DLGAP1: variants seen among roughly 807,000 people sequenced by gnomAD.
DLGAP1 encodes the protein disks large-associated protein 1.
DLGAP1 carries 11 observed loss-of-function variants against 90.8 expected under a neutral mutation model. The observed-to-expected ratio is 0.12, with a 90% CI of 0.08 to 0.20. The LOEUF (loss-of-function observed/expected upper bound fraction) is 0.20. Ranked by LOEUF, DLGAP1 falls within the 10% of genes least tolerant of loss-of-function variation. DLGAP1 has a pLI of 1.00. For missense variants in DLGAP1, 1,050 were observed against 1,333.8 expected, an observed-to-expected ratio of 0.79 and a Z score of 3.31; for synonymous variants, 558 against 540.7, an observed-to-expected ratio of 1.03 and a Z score of -0.44.
intron 6 of DLGAP1, among the ~76,000 whole-genome samples, chr18:3,734,269 A>G (rs918166045): frequency 6.6e-6 from 1 of 151,040 alleles, no homozygotes; most frequent in Non-Finnish European, 1.5e-5. Flanking sequence ...CTCTCTCTCT[A>G]AGAGATAGGG....
chr18:4,448,131 T>C (rs2083713281), intron 1 of DLGAP1, among the ~76,000 whole-genome samples: 1 of 152,144 alleles, frequency 6.6e-6, no homozygotes, highest in South Asian at 2.1e-4. Flanking sequence ...TACAAATCCA[T>C]GAAAATCTAG....
intron 7 of DLGAP1, among the ~76,000 whole-genome samples, chr18:3,675,842 T>C (rs2060279012): frequency 6.6e-6 from 1 of 152,228 alleles, no homozygotes; most frequent in Non-Finnish European, 1.5e-5. Flanking sequence ...TACTGCCACA[T>C]GACTTTTTTT....
chr18:3,753,960 C>G (rs1598601019), intron 5 of DLGAP1, among the ~76,000 whole-genome samples: 1 of 152,162 alleles, frequency 6.6e-6, no homozygotes, highest in Non-Finnish European at 1.5e-5. Context: ...ATGTAAATGG[C>G]ATAGTATTTG....
At position 3,691,398 on chromosome 18, in the gene DLGAP1, G is replaced by C. The variant is rs560146337; in HGVS notation, c.1591+37737C>G. Among the ~76,000 whole-genome samples the C allele has an allele frequency of 5.4e-5, 8 of 149,332 alleles. No homozygotes were observed. In the East Asian group the frequency reaches 1.6e-3, roughly 30 times the overall value. ...AGCTACATCGCGCCACTGCATTCCA[G>C]CCTGGGCGATAGAGCAAGACTCTGT... On this transcript the variant is annotated intron_variant, in intron 7 of 12. Transcript: ENST00000315677.
chr18:3,588,660 T>C (rs766606320), intron 7 of DLGAP1, among the ~76,000 whole-genome samples: 2 of 138,554 alleles, frequency 1.4e-5, no homozygotes, highest in South Asian at 4.6e-4. Context: ...TGTGCCTGTA[T>C]TCCCAGCTAC....
chr18:4,211,467 C>G (rs1235911196), intron 1 of DLGAP1, among the ~76,000 whole-genome samples: 1 of 152,112 alleles, frequency 6.6e-6, no homozygotes, highest in Non-Finnish European at 1.5e-5. Context: ...TAGTTTGAAT[C>G]TGGAAGGCAT....
In DLGAP1 at chr18:3,526,421, T is replaced by C. The variant is rs1679378212; in HGVS notation, c.2479+7773A>G. On this transcript the variant is annotated intron_variant, in intron 10 of 12. Coordinates refer to ENST00000315677, the MANE Select transcript of DLGAP1 (RefSeq NM_004746.4). The surrounding 1 kb of genome is among the most constrained non-coding windows in gnomAD (Gnocchi z 4.7). ...CAAACCTGAAACCAGGCAAACCCCA[T>C]TTCAGGTGTCATTACCAGCCCCGCA... Among the ~76,000 whole-genome samples the C allele has an allele frequency of 1.3e-5, 2 of 152,144 alleles. No homozygotes were observed. The highest frequency in any genetic ancestry group is 1.3e-4 in the Admixed American group (2 of 15,280).
intron 1 of DLGAP1, among the ~76,000 whole-genome samples, chr18:4,226,193 C>A (rs1048791903): frequency 6.6e-6 from 1 of 151,964 alleles, no homozygotes; most frequent in African/African-American, 2.4e-5. Flanking sequence ...ATAGGATATC[C>A]AGCAAAAATA....
chr18:3,863,071 A>G (rs1293418780), intron 4 of DLGAP1, among the ~76,000 whole-genome samples: 1 of 152,282 alleles, frequency 6.6e-6, no homozygotes, highest in Non-Finnish European at 1.5e-5. Context: ...GATGACGGAA[A>G]TGTTGATTGA....
At position 4,263,399 on chromosome 18, in the gene DLGAP1, T is replaced by C. The variant is rs1598751853; in HGVS notation, c.-266-112112A>G. On this transcript the variant is annotated intron_variant, in intron 1 of 12. Transcript: ENST00000315677. ...ATATGAGATTTAAAAAATTCTTCCA[T>C]TCATTTAAATGAATTCTTATTAAAA... is the stretch of plus-strand genomic sequence containing the variant. Among the ~76,000 whole-genome samples, 4 of 152,334 alleles carry C rather than the reference T, an allele frequency of 2.6e-5. No individual in the cohort carries two copies. The East Asian group carries it at 7.7e-4, about 29-fold the overall frequency.
intron 1 of DLGAP1, among the ~76,000 whole-genome samples, chr18:4,356,985 A>G (rs758909142): frequency 3.3e-5 from 5 of 151,852 alleles, no homozygotes; most frequent in Admixed American, 6.6e-5. Flanking sequence ...AGGTGCCCAC[A>G]TGACACCTTT....
chr18:3,572,059 T>C (rs1599306997), intron 8 of DLGAP1, among the ~76,000 whole-genome samples: 2 of 149,598 alleles, frequency 1.3e-5, no homozygotes, highest in African/African-American at 4.9e-5. Context: ...TTTTCAGTGG[T>C]TTCTTCTAGG....
chr18:4,302,240 T>C (rs1201589419), intron 1 of DLGAP1, among the ~76,000 whole-genome samples: 2 of 152,166 alleles, frequency 1.3e-5, no homozygotes, highest in East Asian at 1.9e-4. Flanking sequence ...GTGTAGTTTT[T>C]CCCCCGTATT....
At chr18:3,646,133 T>C (rs1356164087) in intron 7 of DLGAP1, among the ~76,000 whole-genome samples, 1 of 152,178 alleles carries the variant, frequency 6.6e-6, no homozygotes, top group Non-Finnish European at 1.5e-5. Flanking sequence ...TGGTGGCTCA[T>C]GCCTGTAATC....
intron 1 of DLGAP1, among the ~76,000 whole-genome samples, chr18:4,301,606 G>T (rs2080127669): frequency 6.6e-6 from 1 of 152,112 alleles, no homozygotes. Context: ...AGTGAACACG[G>T]ATATGCAGAT....
intron 1 of DLGAP1, among the ~76,000 whole-genome samples, chr18:4,158,632 G>T (rs944522174): frequency 2.0e-5 from 3 of 152,044 alleles, no homozygotes; most frequent in African/African-American, 7.3e-5. Context: ...CTCATTTTCC[G>T]ACTGACTTCT....
At chr18:4,405,919 GA>G (rs1598368644) in intron 1 of DLGAP1, among the ~76,000 whole-genome samples, 1 of 152,316 alleles carries the variant, frequency 6.6e-6, no homozygotes, top group South Asian at 2.1e-4. Flanking sequence ...ACGAAGGAAT[GA>G]AAGCACAGAT....
intron 1 of DLGAP1, among the ~76,000 whole-genome samples, chr18:4,207,410 C>A (rs926284319): frequency 6.6e-6 from 1 of 152,134 alleles, no homozygotes; most frequent in South Asian, 2.1e-4. Context: ...TCCCATGACA[C>A]CTGGGGATTA....
At chr18:3,617,549 C>CCATT (rs2057918920) in intron 7 of DLGAP1, among the ~76,000 whole-genome samples, 1 of 148,194 alleles carries the variant, frequency 6.7e-6, no homozygotes, top group Non-Finnish European at 1.5e-5. Context: ...TGAGATCCCA[C>CCATT]CATTGCACTT....
Sources: allele counts gnomAD v4.1 joint callset (sites outside exome capture counted in the v4.1 genomes callset), GRCh38; gene constraint gnomAD v4.1.1; non-coding constraint Gnocchi (gnomAD v3.1); transcripts MANE v1.5; gene names NCBI Gene and HGNC (gene_info 2026-07-23, HGNC 2026-07-21).